Variants in DYNC1I1 observed in about 807,000 individuals in gnomAD.
DYNC1I1 encodes dynein cytoplasmic 1 intermediate chain 1, also known as cytoplasmic dynein 1 intermediate chain 1.
Under a neutral mutation model 86.6 loss-of-function variants are expected in DYNC1I1, and 43 were observed. The ratio of observed to expected loss-of-function variants is 0.50; its 90% CI spans 0.39 to 0.64. The LOEUF is 0.64. Ranked by LOEUF, DYNC1I1 falls within the 30% of genes least tolerant of loss-of-function variation. The pLI, the probability that DYNC1I1 is intolerant of heterozygous loss-of-function variation, is 0.00. For missense variants in DYNC1I1, 604 were observed against 788.8 expected (o/e 0.77, Z 2.81); for synonymous variants, 262 against 283.7 (o/e 0.92, Z 0.77).
chr7:95,773,449 T>A (rs1375444010), intron 1 of DYNC1I1, among the ~76,000 whole-genome samples: 1 of 152,094 alleles, frequency 6.6e-6, no homozygotes, highest in Non-Finnish European at 1.5e-5. Context: ...CCGTGCGTCG[T>A]CATCATAAGG....
intron 5 of DYNC1I1, among the ~76,000 whole-genome samples, chr7:95,846,739 A>T (rs1789443687): frequency 6.6e-6 from 1 of 150,994 alleles, no homozygotes; most frequent in African/African-American, 2.4e-5. Flanking sequence ...TCCATGTGGT[A>T]TCCCATACCC....
chr7:95,941,919 G>A (rs1026790389), intron 6 of DYNC1I1, among the ~76,000 whole-genome samples: 4 of 152,146 alleles, frequency 2.6e-5, no homozygotes, highest in African/African-American at 4.8e-5. Flanking sequence ...GCTGTAGACC[G>A]GAGCTGTTCC....
intron 5 of DYNC1I1, among the ~76,000 whole-genome samples, chr7:95,851,061 C>T (rs1177948080): frequency 2.0e-5 from 3 of 151,952 alleles, no homozygotes; most frequent in Non-Finnish European, 2.9e-5. Flanking sequence ...CTCAGCCTGC[C>T]GTGCAGCTGG....
intron 14 of DYNC1I1, among the ~76,000 whole-genome samples, chr7:96,043,358 C>T (rs1251981748): frequency 1.3e-5 from 2 of 151,912 alleles, no homozygotes; most frequent in African/African-American, 4.8e-5. Context: ...GAATCTGAAT[C>T]TTATCAATCC....
chr7:95,927,425 T>C (rs2116397599), intron 6 of DYNC1I1, among the ~76,000 whole-genome samples: 1 of 152,230 alleles, frequency 6.6e-6, no homozygotes. Flanking sequence ...GATGGGGTGA[T>C]AGTAGAGGTG....
chr7:95,781,719 A>C (rs763341161), intron 1 of DYNC1I1, among the ~76,000 whole-genome samples: 10 of 152,218 alleles, frequency 6.6e-5, no homozygotes, highest in Non-Finnish European at 1.5e-4. Context: ...CTGGAGGAAA[A>C]TACAGAAAGT....
intron 10 of DYNC1I1, among the ~76,000 whole-genome samples, chr7:96,002,008 A>G (rs1274860758): frequency 6.6e-6 from 1 of 152,166 alleles, no homozygotes; most frequent in Non-Finnish European, 1.5e-5. Flanking sequence ...TCTTGCTAGG[A>G]TATATTCCTG....
chr7:95,812,284 G>A (rs1794847765), intron 3 of DYNC1I1, among the ~76,000 whole-genome samples: 2 of 152,088 alleles, frequency 1.3e-5, no homozygotes, highest in African/African-American at 2.4e-5. Context: ...TATCCATATG[G>A]CTTCTCTGGC....
chr7:95,896,187 C>T (rs1790878560), intron 6 of DYNC1I1, among the ~76,000 whole-genome samples: 2 of 152,126 alleles, frequency 1.3e-5, no homozygotes, highest in African/African-American at 2.4e-5. Context: ...TAGAACATCC[C>T]TGCAGCACCA....
At chr7:95,840,741 T>C (rs1166363106) in intron 5 of DYNC1I1, among the ~76,000 whole-genome samples, 2 of 152,230 alleles carry the variant, frequency 1.3e-5, no homozygotes, top group Non-Finnish European at 2.9e-5. Flanking sequence ...TGCTACCTAT[T>C]CCTTCGTGCT....
chr7:95,787,583 C>T (rs1268578939), intron 1 of DYNC1I1, among the ~76,000 whole-genome samples: 3 of 152,154 alleles, frequency 2.0e-5, no homozygotes, highest in Non-Finnish European at 2.9e-5. Flanking sequence ...TTCACTCAGA[C>T]ACATTTTTTG....
chr7:95,902,809 C>G (rs952811521), intron 6 of DYNC1I1, among the ~76,000 whole-genome samples: 41 of 152,114 alleles, frequency 2.7e-4, no homozygotes, highest in African/African-American at 9.4e-4. Context: ...TTTATTCAGG[C>G]CATTCTAATT....
At chr7:95,856,000 G>A (rs1389930846) in intron 5 of DYNC1I1, among the ~76,000 whole-genome samples, 1 of 152,062 alleles carries the variant, frequency 6.6e-6, no homozygotes, top group Non-Finnish European at 1.5e-5. Flanking sequence ...ATTAACCTCA[G>A]TTTACTGTGA....
At chr7:95,948,643 T>C (rs1792469546) in intron 6 of DYNC1I1, among the ~76,000 whole-genome samples, 1 of 152,180 alleles carries the variant, frequency 6.6e-6, no homozygotes. Flanking sequence ...AGCTAACATT[T>C]ATTGAGTACT....
intron 4 of DYNC1I1, among the ~76,000 whole-genome samples, chr7:95,815,966 T>C (rs908617280): frequency 6.6e-6 from 1 of 152,020 alleles, no homozygotes; most frequent in African/African-American, 2.4e-5. Context: ...TGTACTTTAT[T>C]ATAGAGAAGA....
chr7:95,900,805 C>T (rs1259246485), intron 6 of DYNC1I1, among the ~76,000 whole-genome samples: 2 of 152,056 alleles, frequency 1.3e-5, no homozygotes. Context: ...AGAATCATAC[C>T]ATGTATGTTT....
At chr7:95,912,826 G>A (rs1791373430) in intron 6 of DYNC1I1, among the ~76,000 whole-genome samples, 1 of 152,166 alleles carries the variant, frequency 6.6e-6, no homozygotes. Flanking sequence ...TAAACAGTGG[G>A]AGGACCACCT....
At chr7:95,965,271 G>A (rs1792979753) in intron 6 of DYNC1I1, among the ~76,000 whole-genome samples, 2 of 152,104 alleles carry the variant, frequency 1.3e-5, no homozygotes, top group Non-Finnish European at 1.5e-5. Flanking sequence ...CTTTCCACTG[G>A]ACGTGCTTAC....
chr7:95,869,784 A>G, intron 5 of DYNC1I1, 99 bp from the exon 6 acceptor site: 2 of 1,104,626 alleles, frequency 1.8e-6, no homozygotes, highest in East Asian at 2.5e-5. Flanking sequence ...AGCTGAGGGT[A>G]TTTGTGGTTT....
Sources: gnomAD v4.1 joint callset for allele counts (sites outside exome capture counted in the v4.1 genomes callset) on GRCh38, gnomAD v4.1.1 for gene constraint, MANE v1.5 for transcripts, NCBI Gene and HGNC (gene_info 2026-07-23, HGNC 2026-07-21) for gene names.